Variants in KDM4C observed in about 807,000 individuals in gnomAD.
The protein encoded by KDM4C is lysine-specific demethylase 4C.
Under a neutral mutation model 129.3 loss-of-function variants are expected in KDM4C, and 81 were observed. That is an observed-to-expected ratio of 0.63 (90% CI 0.52 to 0.75). The LOEUF is 0.75. Among genes scored for constraint, KDM4C ranks in the 30% least tolerant of loss-of-function variants. The pLI is 0.00. For synonymous variants in KDM4C, 573 were observed against 456.1 expected, an observed-to-expected ratio of 1.26 and a Z score of -3.26; for missense variants, 1,457 against 1,304.0, an observed-to-expected ratio of 1.12 and a Z score of -1.81.
intron 8 of KDM4C, among the ~76,000 whole-genome samples, chr9:6,952,428 T>TA (rs577760641): frequency 6.4e-4 from 93 of 145,590 alleles, no homozygotes; most frequent in East Asian, 1.9e-3. Flanking sequence ...TATATATATA[T>TA]ATAATAATAA....
rs974056884 is a variant in KDM4C at position 6,836,042 on chromosome 9, C to G, written c.436-13465C>G. ...TTGAATGATCAGCCTTCGTGGCCCC[C>G]CTCTTTTGTCCCCCAGCTTGAGATG... On this transcript the variant is annotated intron_variant, in intron 4 of 21. Coordinates refer to ENST00000381309, the MANE Select transcript of KDM4C (RefSeq NM_015061.6). 3.3e-5 allele frequency among the ~76,000 whole-genome samples: 5 copies of G among 152,156 alleles called. No homozygotes were observed. In the East Asian group the frequency reaches 9.6e-4, roughly 29 times the overall value.
chr9:6,880,096 T>A (rs1844203954), intron 6 of KDM4C, 35 bp downstream of exon 6: 1 of 1,444,300 alleles, frequency 6.9e-7, no homozygotes, highest in Non-Finnish European at 9.6e-7. Flanking sequence ...TTTCTGTGTT[T>A]TATATGTTTC....
chr9:7,093,885 G>C (rs1836104598), intron 17 of KDM4C, among the ~76,000 whole-genome samples: 2 of 152,202 alleles, frequency 1.3e-5, no homozygotes, highest in African/African-American at 4.8e-5. Flanking sequence ...GTATTATCTA[G>C]GTGAAGGAAG....
chr9:7,050,366 A>C lies in KDM4C; in HGVS notation c.2424+1166A>C, dbSNP rs535244930. Among the ~76,000 whole-genome samples the C allele has an allele frequency of 1.1e-4, 16 of 149,214 alleles. No homozygotes were observed. The South Asian group carries it at 3.5e-3, about 32-fold the overall frequency. On this transcript the variant is annotated intron_variant, in intron 17 of 21. Transcript: ENST00000381309. ...CTCTAAAGGTCACAGTGACTGTCAG[A>C]AGAAGTAAGAAGAGAGTATAATTCT...
intron 18 of KDM4C, among the ~76,000 whole-genome samples, chr9:7,122,211 C>T (rs1269321541): frequency 1.3e-5 from 2 of 150,598 alleles, no homozygotes; most frequent in Non-Finnish European, 2.9e-5. Flanking sequence ...ATGGTCTGAG[C>T]AGGAGGAAGA....
In KDM4C at chr9:6,956,347, A is replaced by AGGTGTT. The variant is rs1829065958; in HGVS notation, c.922-24578_922-24577insGGTGTT. Among the ~76,000 whole-genome samples the AGGTGTT allele has an allele frequency of 7.2e-5, 11 of 152,300 alleles. No homozygotes were observed. The South Asian group carries it at 1.9e-3, about 26-fold the overall frequency. On this transcript the variant is annotated intron_variant, in intron 8 of 21. Coordinates refer to ENST00000381309, the MANE Select transcript of KDM4C (RefSeq NM_015061.6). ...TTTCACATTGCATGCTTGTATCAAA[A>AGGTGTT]CACCTTATGTACTCCACAAATATAC...
intron 1 of KDM4C, among the ~76,000 whole-genome samples, chr9:6,770,139 A>C (rs796704612): frequency 9.9e-5 from 15 of 152,082 alleles, no homozygotes; most frequent in African/African-American, 3.1e-4. Flanking sequence ...AGATTGTGCC[A>C]TTGCACTCTA....
intron 4 of KDM4C, among the ~76,000 whole-genome samples, chr9:6,829,166 C>A (rs1257392499): frequency 1.3e-5 from 2 of 152,124 alleles, no homozygotes; most frequent in South Asian, 4.1e-4. Flanking sequence ...CAGGCAGAAG[C>A]CTGGTGGATG....
intron 8 of KDM4C, among the ~76,000 whole-genome samples, chr9:6,923,871 T>C (rs1821993240): frequency 6.6e-6 from 1 of 152,184 alleles, no homozygotes; most frequent in Admixed American, 6.5e-5. Flanking sequence ...GCACATTGGA[T>C]TTCATCTTTA....
chr9:7,123,908 G>A (rs1214859438), intron 18 of KDM4C, among the ~76,000 whole-genome samples: 2 of 152,174 alleles, frequency 1.3e-5, no homozygotes, highest in South Asian at 2.1e-4. Flanking sequence ...AGAAGTCAGG[G>A]TGCTGCCCAC....
chr9:7,007,467 C>A (rs1033884127), intron 12 of KDM4C, among the ~76,000 whole-genome samples: 1 of 152,154 alleles, frequency 6.6e-6, no homozygotes, highest in African/African-American at 2.4e-5. Flanking sequence ...GAAAAGGAGG[C>A]CTTTTTGCTG....
At chr9:7,119,394 T>C (rs1381355830) in intron 18 of KDM4C, among the ~76,000 whole-genome samples, 2 of 152,214 alleles carry the variant, frequency 1.3e-5, no homozygotes, top group African/African-American at 4.8e-5. Context: ...AGCACAAATT[T>C]AACAGTTCTG....
intron 4 of KDM4C, among the ~76,000 whole-genome samples, chr9:6,838,934 T>C (rs1836388152): frequency 6.6e-6 from 1 of 152,224 alleles, no homozygotes; most frequent in African/African-American, 2.4e-5. Flanking sequence ...TGTTTTCTTT[T>C]ATGGAGAAAA....
intron 18 of KDM4C, among the ~76,000 whole-genome samples, chr9:7,111,840 T>C (rs1838354258): frequency 1.3e-5 from 2 of 152,244 alleles, no homozygotes; most frequent in South Asian, 2.1e-4. Context: ...TTTAAAAATC[T>C]CTCATCTTCA....
chr9:7,170,701 A>C, intron 21 of KDM4C: 17 of 977,944 alleles, frequency 1.7e-5, no homozygotes, highest in Non-Finnish European at 2.1e-5. Context: ...TCTGACTAAA[A>C]TGAAATTTTT....
At chr9:6,850,339 G>T (rs1233392952) in intron 5 of KDM4C, among the ~76,000 whole-genome samples, 1 of 152,216 alleles carries the variant, frequency 6.6e-6, no homozygotes, top group African/African-American at 2.4e-5. Flanking sequence ...TTGAGCATTT[G>T]TTGGATGGTA....
chr9:7,024,319 G>GTT (rs1252377601), intron 15 of KDM4C, among the ~76,000 whole-genome samples: 1 of 136,396 alleles, frequency 7.3e-6, no homozygotes, highest in African/African-American at 2.7e-5. Flanking sequence ...TTTTCAAGGT[G>GTT]TTTTTTTTTT....
Position 7,166,443 on chromosome 9 carries a change from T to C in KDM4C, c.2901+1086T>C, listed in dbSNP as rs1844391419. Reference sequence around the variant, plus strand: ...GGGGAGGATGTATACACATACATTGTGTGTGTATGTGTGTATGTGTGTCTG... The same window carrying C: ...GGGGAGGATGTATACACATACATTGCGTGTGTATGTGTGTATGTGTGTCTG... On this transcript the variant is annotated intron_variant, in intron 20 of 21. Coordinates refer to ENST00000381309, the MANE Select transcript of KDM4C (RefSeq NM_015061.6). 9.5e-4 allele frequency among the ~76,000 whole-genome samples: 7 copies of C among 7,376 alleles called. No homozygotes were observed. The South Asian group carries it at 0.015, about 16-fold the overall frequency. 4.8% of individuals were successfully genotyped at this position (7,376 alleles called of 152,430 possible).
At chr9:6,899,818 G>A (rs1817092791) in intron 8 of KDM4C, among the ~76,000 whole-genome samples, 2 of 152,104 alleles carry the variant, frequency 1.3e-5, no homozygotes, top group South Asian at 4.1e-4. Flanking sequence ...TTCATTTGTT[G>A]TTAACTTGCA....
Sources: gnomAD v4.1 joint callset for allele counts (sites outside exome capture counted in the v4.1 genomes callset) on GRCh38, gnomAD v4.1.1 for gene constraint, MANE v1.5 for transcripts, NCBI Gene and HGNC (gene_info 2026-07-23, HGNC 2026-07-21) for gene names.